Variants in ADAMTS3 observed in about 807,000 individuals in gnomAD.
ADAMTS3 encodes A disintegrin and metalloproteinase with thrombospondin motifs 3.
In ADAMTS3, 73 loss-of-function variants were observed where a neutral mutation model predicts 129.0. The observed-to-expected ratio is 0.57, with a 90% CI of 0.47 to 0.69. The LOEUF (loss-of-function observed/expected upper bound fraction) is 0.69. Ranked by LOEUF, ADAMTS3 falls within the 30% of genes least tolerant of loss-of-function variation. ADAMTS3 has a pLI of 0.00. For missense variants in ADAMTS3, 1,457 were observed against 1,514.5 expected (o/e 0.96, Z 0.63); for synonymous variants, 477 against 510.8 (o/e 0.93, Z 0.89).
At position 72,413,724 on chromosome 4, in the gene ADAMTS3, G is replaced by A. The variant is rs116666409; in HGVS notation, c.661+1091C>T. On this transcript the variant is annotated intron_variant, in intron 4 of 21. Coordinates refer to ENST00000286657, the MANE Select transcript of ADAMTS3 (RefSeq NM_014243.3). ...TCAGAGAGGTTAAGTACTAATCTAA[G>A]GTAACAGAACAACTTGGTGTGCAGA... Among the ~76,000 whole-genome samples, 1,303 of 151,802 alleles carry A rather than the reference G, an allele frequency of 8.6e-3. 24 individuals are homozygous for A. Among genetic ancestry groups the A allele is most frequent in the African/African-American group, 0.03 (1,260 of 41,476 alleles).
chr4:72,451,779 AT>A (rs1162940009), intron 3 of ADAMTS3, among the ~76,000 whole-genome samples: 2 of 151,792 alleles, frequency 1.3e-5, no homozygotes, highest in Non-Finnish European at 2.9e-5. Flanking sequence ...ATTATTGGAG[AT>A]TTTAAATTGT....
Position 72,322,271 on chromosome 4 carries a change from T to A in ADAMTS3, c.945+743A>T, listed in dbSNP as rs530924199. Among the ~76,000 whole-genome samples the A allele has an allele frequency of 5.9e-5, 9 of 152,320 alleles. No individual in the cohort carries two copies. The East Asian group carries it at 1.4e-3, about 23-fold the overall frequency. On this transcript the variant is annotated intron_variant, in intron 6 of 21. Coordinates refer to ENST00000286657, the MANE Select transcript of ADAMTS3 (RefSeq NM_014243.3). ...AATGAAATGCAAACACATGGATTTT[T>A]CCTATTTCCTAAATGTACAACTTCG...
At position 72,353,496 on chromosome 4, in the gene ADAMTS3, C is replaced by A. The variant is rs546051121; in HGVS notation, c.662-13803G>T. On this transcript the variant is annotated intron_variant, in intron 4 of 21. Transcript: ENST00000286657. ...AAGAAAGGTGCAGTTTCAGTTGTAG[C>A]TGTTTGTTACCCTTGGATAATATCA... Among the ~76,000 whole-genome samples, 7 of 152,066 alleles carry A rather than the reference C, an allele frequency of 4.6e-5. No individual in the cohort carries two copies. The East Asian group carries it at 1.2e-3, about 25-fold the overall frequency.
At chr4:72,360,725 T>A (rs1163746527) in intron 4 of ADAMTS3, among the ~76,000 whole-genome samples, 1 of 152,090 alleles carries the variant, frequency 6.6e-6, no homozygotes, top group Non-Finnish European at 1.5e-5. Context: ...TAAACATTAA[T>A]ATTTAATACT....
chr4:72,485,250 T>G (rs1719555815), intron 3 of ADAMTS3, among the ~76,000 whole-genome samples: 2 of 152,182 alleles, frequency 1.3e-5, no homozygotes, highest in African/African-American at 4.8e-5. Flanking sequence ...GTGTATTTTG[T>G]TTCCAACTCA....
chr4:72,466,813 T>C (rs1038938616), intron 3 of ADAMTS3, among the ~76,000 whole-genome samples: 2 of 152,048 alleles, frequency 1.3e-5, no homozygotes, highest in African/African-American at 2.4e-5. Context: ...CCCAGAGTAA[T>C]AGAATGGAAA....
At chr4:72,378,277 A>AT (rs947974890) in intron 4 of ADAMTS3, among the ~76,000 whole-genome samples, 3 of 152,204 alleles carry the variant, frequency 2.0e-5, no homozygotes. Flanking sequence ...TAAATTGGAT[A>AT]TTATCAATTC....
intron 3 of ADAMTS3, among the ~76,000 whole-genome samples, chr4:72,445,345 G>A (rs565638735): frequency 5.9e-5 from 9 of 151,790 alleles, no homozygotes; most frequent in African/African-American, 2.2e-4. Flanking sequence ...AAAACTGGGA[G>A]AGAAAACTCT....
intron 4 of ADAMTS3, among the ~76,000 whole-genome samples, chr4:72,361,686 C>T (rs1720731165): frequency 6.6e-6 from 1 of 152,066 alleles, no homozygotes; most frequent in Admixed American, 6.6e-5. Context: ...CAACTTTAGT[C>T]TTGTGACCCA....
At chr4:72,513,040 A>G (rs1011015866) in intron 3 of ADAMTS3, among the ~76,000 whole-genome samples, 1 of 152,172 alleles carries the variant, frequency 6.6e-6, no homozygotes, top group Non-Finnish European at 1.5e-5. Flanking sequence ...CTATTGTCTC[A>G]GCTTCAGTTA....
At chr4:72,322,749 A>G (rs769583812) in intron 6 of ADAMTS3, among the ~76,000 whole-genome samples, 1 of 152,172 alleles carries the variant, frequency 6.6e-6, no homozygotes, top group Non-Finnish European at 1.5e-5. Flanking sequence ...ATTTCCATTC[A>G]TAAGTCACAC....
chr4:72,338,257 A>G (rs1720040677), intron 5 of ADAMTS3, among the ~76,000 whole-genome samples: 1 of 152,148 alleles, frequency 6.6e-6, no homozygotes. Flanking sequence ...CAAAAGGTTA[A>G]TATGAAAAGT....
chr4:72,512,138 G>A (rs1720332503), intron 3 of ADAMTS3, among the ~76,000 whole-genome samples: 1 of 152,110 alleles, frequency 6.6e-6, no homozygotes, highest in African/African-American at 2.4e-5. Context: ...GAGGGTTGTG[G>A]GGAGTTGGAT....
chr4:72,351,867 T>C (rs1023967939), intron 4 of ADAMTS3, among the ~76,000 whole-genome samples: 3 of 151,964 alleles, frequency 2.0e-5, no homozygotes, highest in African/African-American at 7.2e-5. Context: ...ATTTAGATGA[T>C]AGAAAATTGG....
intron 3 of ADAMTS3, among the ~76,000 whole-genome samples, chr4:72,528,521 T>C (rs957327202): frequency 1.1e-5 from 1 of 89,682 alleles, no homozygotes. Context: ...AAGTGAAAAC[T>C]AAAAAAAAAA....
Position 72,470,374 on chromosome 4 carries a change from T to TAC in ADAMTS3, c.505-55404_505-55403insGT, listed in dbSNP as rs1240216533. Among the ~76,000 whole-genome samples, 693 of 144,070 alleles carry TAC rather than the reference T, an allele frequency of 4.8e-3. 2 individuals are homozygous for TAC. The highest frequency in any genetic ancestry group is 7.1e-3 in the East Asian group (36 of 5,058). 94.5% of individuals were successfully genotyped at this position (144,070 alleles called of 152,430 possible). ...ATTATTTTAAGTTTATATATATATA[T>TAC]ATACACACACACACACACACACACA... is the stretch of plus-strand genomic sequence containing the variant. On this transcript the variant is annotated intron_variant, in intron 3 of 21. Transcript: ENST00000286657.
chr4:72,546,391 C>T (rs868728214), intron 3 of ADAMTS3, among the ~76,000 whole-genome samples: 1 of 151,968 alleles, frequency 6.6e-6, no homozygotes, highest in African/African-American at 2.4e-5. Flanking sequence ...ATCCAATTTA[C>T]ACTCTATTTT....
chr4:72,354,520 C>T (rs1172015816), intron 4 of ADAMTS3, among the ~76,000 whole-genome samples: 1 of 151,958 alleles, frequency 6.6e-6, no homozygotes, highest in Non-Finnish European at 1.5e-5. Context: ...TTGTTCTCGC[C>T]TGCTGGCTGA....
chr4:72,304,485 C>T (rs182025739), intron 16 of ADAMTS3, among the ~76,000 whole-genome samples: 48 of 151,994 alleles, frequency 3.2e-4, no homozygotes, highest in African/African-American at 1.1e-3. Flanking sequence ...TATAATGTAA[C>T]GGTTAATTAT....
Sources: allele counts gnomAD v4.1 joint callset (sites outside exome capture counted in the v4.1 genomes callset), GRCh38; gene constraint gnomAD v4.1.1; transcripts MANE v1.5; gene names NCBI Gene and HGNC (gene_info 2026-07-23, HGNC 2026-07-21).